Variants in MEF2B observed in about 807,000 individuals in gnomAD.
MEF2B encodes myocyte enhancer factor 2B.
MEF2B carries 15 observed loss-of-function variants against 32.2 expected under a neutral mutation model. That is an observed-to-expected ratio of 0.47 (90% CI 0.31 to 0.72). The LOEUF (loss-of-function observed/expected upper bound fraction) is 0.72, where lower values mean the gene tolerates loss of function less well. Ranked by LOEUF, MEF2B falls within the 30% of genes least tolerant of loss-of-function variation. The pLI is 0.05. For synonymous variants in MEF2B, 205 were observed against 225.6 expected, an observed-to-expected ratio of 0.91 and a Z score of 0.82; for missense variants, 441 against 511.5, an observed-to-expected ratio of 0.86 and a Z score of 1.33.
intron 1 of MEF2B, among the ~76,000 whole-genome samples, chr19:19,163,827 G>T (rs893944548): frequency 6.0e-5 from 9 of 151,016 alleles, no homozygotes; most frequent in South Asian, 2.1e-4. Context: ...CTAATTTTTT[G>T]ATTTTTTGAC....
At chr19:19,162,977 T>C (rs1451265284) in intron 1 of MEF2B, among the ~76,000 whole-genome samples, 1 of 152,066 alleles carries the variant, frequency 6.6e-6, no homozygotes, top group Non-Finnish European at 1.5e-5. Flanking sequence ...TTCTGCCCCT[T>C]TGGGGGCATC....
At chr19:19,153,342 G>C (rs922122620) in intron 1 of MEF2B, among the ~76,000 whole-genome samples, 4 of 152,190 alleles carry the variant, frequency 2.6e-5, no homozygotes, top group African/African-American at 9.6e-5. Context: ...AGGAAGAGCA[G>C]GTGCCAGGGC....
At chr19:19,161,853 G>A (rs939422657) in intron 1 of MEF2B, among the ~76,000 whole-genome samples, 2 of 151,234 alleles carry the variant, frequency 1.3e-5, no homozygotes, top group African/African-American at 4.9e-5. Context: ...TGTCACCCAG[G>A]CTGGAGTGCA....
At chr19:19,168,315 C>T (rs1244566604) in intron 1 of MEF2B, among the ~76,000 whole-genome samples, 1 of 148,592 alleles carries the variant, frequency 6.7e-6, no homozygotes, top group Non-Finnish European at 1.5e-5. Context: ...CTCTTGTTGC[C>T]CAGGCTGGAG....
At chr19:19,150,311 C>T (rs887424670) in intron 2 of MEF2B, among the ~76,000 whole-genome samples, 2 of 150,756 alleles carry the variant, frequency 1.3e-5, no homozygotes, top group African/African-American at 2.4e-5. Context: ...GGGCAGATCA[C>T]GAGGTCAGGA....
chr19:19,156,401 A>C (rs994293195), intron 1 of MEF2B, among the ~76,000 whole-genome samples: 16 of 152,020 alleles, frequency 1.1e-4, no homozygotes, highest in Admixed American at 1.0e-3. Context: ...CTCTAAAAAA[A>C]AAAATTTTTT....
At chr19:19,150,560 A>G in intron 2 of MEF2B, 122 bp downstream of exon 2, 1 of 1,240,260 alleles carries the variant, frequency 8.1e-7, no homozygotes, top group Non-Finnish European at 1.1e-6. Flanking sequence ...CTGACATGGC[A>G]TCAGGACTCC....
intron 3 of MEF2B, 73 bp downstream of exon 3, chr19:19,149,153 C>T (rs2060052186): frequency 1.3e-6 from 2 of 1,569,214 alleles, no homozygotes; most frequent in African/African-American, 1.4e-5. Context: ...TTTGTGCAAA[C>T]CAAGAGTCCC....
intron 3 of MEF2B, among the ~76,000 whole-genome samples, chr19:19,148,222 G>A (rs946686520): frequency 6.6e-6 from 1 of 152,250 alleles, no homozygotes; most frequent in Admixed American, 6.5e-5. Context: ...CCGGCACTTT[G>A]GGAGGCCGAG....
intron 1 of MEF2B, among the ~76,000 whole-genome samples, chr19:19,153,987 A>T (rs2060103004): frequency 6.6e-6 from 1 of 151,834 alleles, no homozygotes; most frequent in Non-Finnish European, 1.5e-5. Flanking sequence ...TCCTGGCTGG[A>T]AGTGATCCTC....
chr19:19,150,095 A>C, intron 2 of MEF2B, among the ~76,000 whole-genome samples: 1 of 147,080 alleles, frequency 6.8e-6, no homozygotes. Flanking sequence ...AAAAAAAAAA[A>C]AAAAAAAAAA....
At chr19:19,160,836 G>A (rs996377228) in intron 1 of MEF2B, among the ~76,000 whole-genome samples, 1 of 152,068 alleles carries the variant, frequency 6.6e-6, no homozygotes, top group South Asian at 2.1e-4. Flanking sequence ...GGGCTCCAGC[G>A]GCTCCGACCC....
Position 19,146,894 on chromosome 19 carries a change from CAG to C in MEF2B, c.542-21_542-20del, listed in dbSNP as rs774186183. 8 of 1,605,372 alleles carry C rather than the reference CAG, an allele frequency of 5.0e-6. No individual in the cohort carries two copies. In the African/African-American group the frequency reaches 6.7e-5, roughly 13 times the overall value. ...ACCAGGCCTGGGGAAGAGGAGACCC[CAG>C]AGAGAGAGGACAGGCAGGCCATGTC... On this transcript the variant is annotated intron_variant, in intron 5 of 8. Coordinates refer to ENST00000424583, the MANE Select transcript of MEF2B (RefSeq NM_001145785.2).
At chr19:19,169,380 G>T (rs1568557487) in intron 1 of MEF2B, among the ~76,000 whole-genome samples, 1 of 151,816 alleles carries the variant, frequency 6.6e-6, no homozygotes, top group Non-Finnish European at 1.5e-5. Flanking sequence ...GAAAAGAAAA[G>T]AAAAAGAAAA....
rs765800814 is a variant in MEF2B at position 19,147,806 on chromosome 19, G to A, written c.285C>T (p.Leu95=). 9 of 1,613,528 alleles carry A rather than the reference G, an allele frequency of 5.6e-6. No individual in the cohort carries two copies. Among genetic ancestry groups the A allele is most frequent in the East Asian group, 4.5e-5 (2 of 44,880 alleles). The change falls in exon 4 of 9, where the codon CTC becomes CTT. Residue 95 remains leucine, a synonymous_variant. Coordinates refer to ENST00000424583, the MANE Select transcript of MEF2B (RefSeq NM_001145785.2). ...CATCCGGCTCCAGCTCTGGCCCATC[G>A]AGGCCAATGCCCCTCCGCTTCAGCG... ...LETLKRRGIG[L]DGPELEPDEG... is the part of the protein sequence containing the mutation.
chr19:19,145,767 C>T lies in MEF2B; in HGVS notation c.*30G>A, dbSNP rs1022022917. On this transcript the variant is annotated 3_prime_UTR_variant, in exon 9 of 9. Transcript: ENST00000424583. The surrounding 1 kb of genome is among the most constrained non-coding windows in gnomAD (Gnocchi z 4.6). ...ACGTGCCCTCGCCGTACCTGGCGAG[C>T]GCTCTGGGCTGGTGCCACCGGGTGA... 6.4e-6 allele frequency: 10 copies of T among 1,554,214 alleles called. No homozygotes were observed. In the East Asian group the frequency reaches 2.4e-4, roughly 37 times the overall value.
At chr19:19,160,677 C>T (rs1426161840) in intron 1 of MEF2B, among the ~76,000 whole-genome samples, 2 of 151,310 alleles carry the variant, frequency 1.3e-5, no homozygotes, top group Non-Finnish European at 2.9e-5. Context: ...GGGGAGGGGG[C>T]GCTGCTCCCG....
At chr19:19,166,597 T>TAAA (rs56322437) in intron 1 of MEF2B, among the ~76,000 whole-genome samples, 2,743 of 130,164 alleles carry the variant, frequency 0.021, 107 homozygotes, top group African/African-American at 0.056. Context: ...CATCTCCAAT[T>TAAA]AAAAAAAAAA....
intron 1 of MEF2B, among the ~76,000 whole-genome samples, chr19:19,160,636 G>A (rs908010888): frequency 1.3e-5 from 2 of 150,932 alleles, no homozygotes; most frequent in Non-Finnish European, 3.0e-5. Context: ...GGGTGGGGGT[G>A]GGGGTGAGGG....
Sources: allele counts gnomAD v4.1 joint callset (sites outside exome capture counted in the v4.1 genomes callset), GRCh38; gene constraint gnomAD v4.1.1; non-coding constraint Gnocchi (gnomAD v3.1); transcripts MANE v1.5; gene names NCBI Gene and HGNC (gene_info 2026-07-23, HGNC 2026-07-21).